Variants in ZNF83 observed in about 807,000 individuals in gnomAD.
The protein encoded by ZNF83 is zinc finger protein 816B.
For synonymous variants in ZNF83, 209 were observed against 213.0 expected (o/e 0.98, Z 0.17); for missense variants, 552 against 629.9 (o/e 0.88, Z 1.32).
chr19:52,677,685 G>A (rs1458964895), intron 1 of ZNF83, among the ~76,000 whole-genome samples: 2 of 120,990 alleles, frequency 1.7e-5, no homozygotes, highest in Non-Finnish European at 3.3e-5. Context: ...AGCAATGGGG[G>A]AGACCACAGG....
At chr19:52,684,974 G>A (rs1435163906) in intron 1 of ZNF83, among the ~76,000 whole-genome samples, 1 of 152,204 alleles carries the variant, frequency 6.6e-6, no homozygotes, top group African/African-American at 2.4e-5. Flanking sequence ...GACATGACCT[G>A]CTTTAGATTT....
At chr19:52,657,601 A>T (rs1772729248) in intron 2 of ZNF83, among the ~76,000 whole-genome samples, 1 of 152,214 alleles carries the variant, frequency 6.6e-6, no homozygotes, top group Non-Finnish European at 1.5e-5. Context: ...TAATCCCAGC[A>T]CTTTGGGATG....
intron 2 of ZNF83, among the ~76,000 whole-genome samples, chr19:52,659,364 G>C (rs1464887249): frequency 1.3e-5 from 2 of 152,126 alleles, no homozygotes; most frequent in Non-Finnish European, 2.9e-5. Context: ...ACCTTCTGGG[G>C]GAAGTTGAGT....
At chr19:52,649,456 A>T (rs891222376) in intron 3 of ZNF83, among the ~76,000 whole-genome samples, 13 of 152,148 alleles carry the variant, frequency 8.5e-5, no homozygotes, top group African/African-American at 3.1e-4. Context: ...GTAAATACCT[A>T]TCCAGCCAAA....
At chr19:52,623,013 G>A (rs2147109453) in intron 2 of ZNF83, among the ~76,000 whole-genome samples, 1 of 152,276 alleles carries the variant, frequency 6.6e-6, no homozygotes, top group South Asian at 2.1e-4. Context: ...TCCTCTCTCA[G>A]GATCTTGCTT....
upstream of ZNF83, among the ~76,000 whole-genome samples, chr19:52,639,761 T>C (rs1158579056): frequency 6.6e-6 from 1 of 151,880 alleles, no homozygotes; most frequent in Non-Finnish European, 1.5e-5. Flanking sequence ...TGAGAAAATA[T>C]AATGGAAAAC....
At chr19:52,616,917 G>C (rs1014006871) in intron 2 of ZNF83, 3 of 152,108 alleles carry the variant, frequency 2.0e-5, no homozygotes, top group Admixed American at 1.3e-4. Flanking sequence ...ATCGTTCTCA[G>C]CAAACTAACA....
intron 3 of ZNF83, chr19:52,654,939 T>A: frequency 6.5e-6 from 1 of 152,898 alleles, no homozygotes; most frequent in East Asian, 1.9e-4. Context: ...ATCCCAACAC[T>A]TGGCTAGAGG....
At chr19:52,667,832 T>C (rs1324688973) in intron 1 of ZNF83, among the ~76,000 whole-genome samples, 2 of 152,074 alleles carry the variant, frequency 1.3e-5, no homozygotes, top group Non-Finnish European at 2.9e-5. Context: ...GTCTACAAGG[T>C]TTTATTAAAA....
At position 52,660,459 on chromosome 19, in the gene ZNF83, A is replaced by C. The variant is rs535068336; in HGVS notation, c.-201+303T>G. On this transcript the variant is annotated intron_variant, in intron 2 of 5. Coordinates refer to the ZNF83 transcript ENST00000594682. ...CATGGTGAAATCCTGTCTCTATTAA[A>C]AATACAAAATTAGCCCAGAGTGGTG... Among the ~76,000 whole-genome samples, 21 of 145,242 alleles carry C rather than the reference A, an allele frequency of 1.4e-4. No individual in the cohort carries two copies. The South Asian group carries it at 4.4e-3, about 30-fold the overall frequency.
chr19:52,621,998 T>C (rs1355287425), intron 2 of ZNF83, among the ~76,000 whole-genome samples: 2 of 152,100 alleles, frequency 1.3e-5, no homozygotes, highest in Non-Finnish European at 2.9e-5. Flanking sequence ...CAACTGCTGC[T>C]GAGTCTTCTG....
At chr19:52,640,919 C>T (rs2061294783), upstream of ZNF83, among the ~76,000 whole-genome samples, 1 of 152,108 alleles carries the variant, frequency 6.6e-6, no homozygotes, top group Non-Finnish European at 1.5e-5. Flanking sequence ...GGGGTAATAT[C>T]ACGGCACATC....
At chr19:52,677,321 A>T (rs1288420029) in intron 1 of ZNF83, among the ~76,000 whole-genome samples, 1 of 148,326 alleles carries the variant, frequency 6.7e-6, no homozygotes, top group Admixed American at 7.0e-5. Context: ...AAAAAAAAAA[A>T]AAAAAAAAAC....
Position 52,645,056 on chromosome 19 carries a change from C to T in ZNF83, c.-73-9903G>A, listed in dbSNP as rs559851553. Among the ~76,000 whole-genome samples the T allele has an allele frequency of 2.5e-3, 371 of 151,260 alleles. 1 individual carries two copies. The highest frequency in any genetic ancestry group is 7.6e-3 in the African/African-American group (314 of 41,232). On this transcript the variant is annotated intron_variant, in intron 3 of 5. Coordinates refer to the ZNF83 transcript ENST00000594682. Reference sequence around the variant, plus strand: ...AGGGGGTGCTTTTGGCACAGCGTTCCGTGCCAATCCAACCCATCTTTCAAC... The same window carrying T: ...AGGGGGTGCTTTTGGCACAGCGTTCTGTGCCAATCCAACCCATCTTTCAAC...
intron 1 of ZNF83, among the ~76,000 whole-genome samples, chr19:52,668,854 C>T (rs1163892096): frequency 6.6e-6 from 1 of 152,146 alleles, no homozygotes; most frequent in African/African-American, 2.4e-5. Context: ...TTCCAGGATT[C>T]TACATCCTGG....
chr19:52,631,206 A>G (rs200085457), intron 2 of ZNF83, among the ~76,000 whole-genome samples: 37 of 148,330 alleles, frequency 2.5e-4, no homozygotes, highest in South Asian at 8.6e-4. Context: ...TACCTATCTC[A>G]GCATAATTCT....
intron 1 of ZNF83, among the ~76,000 whole-genome samples, chr19:52,672,974 C>T (rs1463748711): frequency 6.6e-6 from 1 of 151,128 alleles, no homozygotes; most frequent in African/African-American, 2.5e-5. Context: ...AACAGAATGA[C>T]TGTAGTCAAT....
intron 3 of ZNF83, chr19:52,654,356 T>TACC: frequency 7.7e-7 from 1 of 1,302,354 alleles, no homozygotes; most frequent in Non-Finnish European, 1.1e-6. Context: ...TCTCCTGTAT[T>TACC]ACCGTGCCCT....
chr19:52,666,636 AAAAAG>A (rs2061657578), intron 1 of ZNF83, among the ~76,000 whole-genome samples: 1 of 151,252 alleles, frequency 6.6e-6, no homozygotes, highest in Admixed American at 6.6e-5. Context: ...AAAAAAAAAA[AAAAAG>A]GCAAAATGGT....
Sources: allele counts gnomAD v4.1 joint callset (sites outside exome capture counted in the v4.1 genomes callset), GRCh38; gene constraint gnomAD v4.1.1; transcripts MANE v1.5; gene names NCBI Gene and HGNC (gene_info 2026-07-23, HGNC 2026-07-21).